CTSC: variants seen among roughly 807,000 people sequenced by gnomAD.
The protein encoded by CTSC is dipeptidyl peptidase 1.
In CTSC, 37 loss-of-function variants were observed where a neutral mutation model predicts 40.9. The ratio of observed to expected loss-of-function variants is 0.91; its 90% CI spans 0.70 to 1.19. The LOEUF is 1.19. CTSC is among the 50% of genes most tolerant of loss of function. The pLI is 0.00. For synonymous variants in CTSC, 232 were observed against 207.4 expected, an observed-to-expected ratio of 1.12 and a Z score of -1.02; for missense variants, 594 against 567.3, an observed-to-expected ratio of 1.05 and a Z score of -0.48.
intron 2 of CTSC, among the ~76,000 whole-genome samples, chr11:88,313,706 C>A (rs566573935): frequency 3.3e-5 from 5 of 152,152 alleles, no homozygotes; most frequent in Admixed American, 1.3e-4. Flanking sequence ...CAATTTCAGG[C>A]TCTGACTTAA....
At chr11:88,306,796 T>C (rs1211681978) in intron 4 of CTSC, among the ~76,000 whole-genome samples, 1 of 152,192 alleles carries the variant, frequency 6.6e-6, no homozygotes, top group Non-Finnish European at 1.5e-5. Context: ...CAATAAGGCA[T>C]GGGGTCTAAT....
Position 88,329,716 on chromosome 11 carries a change from TTG to T in CTSC, c.318+5219_318+5220del, listed in dbSNP as rs375785395. Among the ~76,000 whole-genome samples the T allele has an allele frequency of 6.6e-5, 10 of 151,738 alleles. No homozygotes were observed. In the East Asian group the frequency reaches 7.7e-4, roughly 12 times the overall value. ...CAGTATTCTGTTTCGTGTTGTTACA[TTG>T]TGTGTGTGTGTGTTTTGTTTTGTTT... On this transcript the variant is annotated intron_variant, in intron 2 of 6. Coordinates refer to ENST00000227266, the MANE Select transcript of CTSC (RefSeq NM_001814.6).
rs561035218 is a variant in CTSC at position 88,336,703 on chromosome 11, G to T, written c.172+798C>A. Among the ~76,000 whole-genome samples, 8 of 152,264 alleles carry T rather than the reference G, an allele frequency of 5.3e-5. No individual in the cohort carries two copies. The East Asian group carries it at 1.5e-3, about 29-fold the overall frequency. On this transcript the variant is annotated intron_variant, in intron 1 of 6. Transcript: ENST00000227266. ...TGCAGAAGTCACAGGCTGTAAGAGG[G>T]TTTGGGTAGACCACAGTGTGACTCT... is the stretch of plus-strand genomic sequence containing the variant.
intron 2 of CTSC, among the ~76,000 whole-genome samples, chr11:88,314,196 C>T (rs1937826974): frequency 6.6e-6 from 1 of 152,162 alleles, no homozygotes; most frequent in Admixed American, 6.5e-5. Context: ...GTCACAACTA[C>T]TCAACCTAAA....
Position 88,309,197 on chromosome 11 carries a change from T to C in CTSC, c.607A>G (p.Arg203Gly). 1 of 1,614,066 alleles carries C rather than the reference T, an allele frequency of 6.2e-7. No homozygotes were observed. Among genetic ancestry groups the C allele is most frequent in the Middle Eastern group, 1.6e-4 (1 of 6,062 alleles). The change falls in exon 4 of 7, where the codon AGG becomes GGG. Residue 203 changes from arginine to glycine, a missense_variant. Coordinates refer to ENST00000227266, the MANE Select transcript of CTSC (RefSeq NM_001814.6). Reference protein sequence around the residue: ...YETLTLGDMIRRSGGHSRKIP... With the variant: ...YETLTLGDMIGRSGGHSRKIP... ...TTTCGACTGTGGCCACCACTTCTCC[T>C]AATCATATCTCCCAGGGTAAGAGTC...
chr11:88,324,756 TAG>T (rs768413932), intron 2 of CTSC: 107 of 985,140 alleles, frequency 1.1e-4, no homozygotes, highest in Non-Finnish European at 1.3e-4. Flanking sequence ...CTCACGGTAA[TAG>T]AGAGAGCTGG....
chr11:88,325,384 C>T, intron 2 of CTSC: 1 of 985,376 alleles, frequency 1.0e-6, no homozygotes, highest in Non-Finnish European at 1.2e-6. Context: ...CTTAAAACTT[C>T]AACATGAGCC....
chr11:88,315,286 T>C (rs1354725362), intron 2 of CTSC, among the ~76,000 whole-genome samples: 1 of 152,106 alleles, frequency 6.6e-6, no homozygotes, highest in East Asian at 1.9e-4. Flanking sequence ...TTTATAGATA[T>C]TGACACACAT....
At chr11:88,322,354 T>C (rs549197237) in intron 2 of CTSC, 20 of 152,336 alleles carry the variant, frequency 1.3e-4, no homozygotes, top group African/African-American at 4.6e-4. Flanking sequence ...GCCTATATTC[T>C]ATTCCAGGGT....
At chr11:88,306,995 G>A (rs1212873576) in intron 4 of CTSC, among the ~76,000 whole-genome samples, 2 of 152,226 alleles carry the variant, frequency 1.3e-5, no homozygotes, top group Admixed American at 6.5e-5. Context: ...TTGGGTGGTA[G>A]GGCAAGGGCA....
intron 2 of CTSC, among the ~76,000 whole-genome samples, chr11:88,317,869 C>T (rs1409647276): frequency 1.3e-5 from 2 of 152,172 alleles, no homozygotes; most frequent in Non-Finnish European, 2.9e-5. Flanking sequence ...ATATGAAGAT[C>T]AAGCCCTAGT....
intron 1 of CTSC, among the ~76,000 whole-genome samples, chr11:88,336,222 C>G (rs1938488069): frequency 7.3e-6 from 1 of 137,066 alleles, no homozygotes; most frequent in Admixed American, 8.0e-5. Context: ...TCTGCCCCAA[C>G]CTTCAAACTC....
At chr11:88,330,345 GA>G (rs753529508) in intron 2 of CTSC, among the ~76,000 whole-genome samples, 1 of 151,984 alleles carries the variant, frequency 6.6e-6, no homozygotes, top group South Asian at 2.1e-4. Flanking sequence ...TGCTGAGTAA[GA>G]AAAAATCTTT....
At chr11:88,302,405 C>T (rs376093529) in intron 4 of CTSC, among the ~76,000 whole-genome samples, 1 of 152,002 alleles carries the variant, frequency 6.6e-6, no homozygotes, top group African/African-American at 2.4e-5. Context: ...GGGCGGATCA[C>T]GAGGTCAGGA....
chr11:88,304,450 A>G (rs1443496793), intron 4 of CTSC, among the ~76,000 whole-genome samples: 1 of 152,224 alleles, frequency 6.6e-6, no homozygotes, highest in Non-Finnish European at 1.5e-5. Flanking sequence ...CTACCATCCT[A>G]TAAGGCAGAG....
intron 4 of CTSC, among the ~76,000 whole-genome samples, chr11:88,304,245 G>A (rs1048582468): frequency 2.2e-4 from 33 of 151,986 alleles, no homozygotes; most frequent in African/African-American, 8.0e-4. Context: ...TACCTCAAAG[G>A]GTTGTTATGA....
At chr11:88,323,434 A>C (rs1426181261) in intron 2 of CTSC, 1 of 152,204 alleles carries the variant, frequency 6.6e-6, no homozygotes, top group Non-Finnish European at 1.5e-5. Flanking sequence ...ATCAGGCAAG[A>C]GAAAGAAATA....
Position 88,294,182 on chromosome 11 carries a change from CATG to C in CTSC, c.1213_1215del (p.His405del). Reference sequence around the variant, plus strand: ...GTGCCATAGCCCACAAGCAGAACAGCATGATTAGTCAGCTCAAAGGGGTTGAAA... The same window carrying C: ...GTGCCATAGCCCACAAGCAGAACAGCATTAGTCAGCTCAAAGGGGTTGAAA... On this transcript the variant is annotated inframe_deletion, in exon 7 of 7. Coordinates refer to ENST00000227266, the MANE Select transcript of CTSC (RefSeq NM_001814.6). 2 of 1,613,918 alleles carry C rather than the reference CATG, an allele frequency of 1.2e-6. No homozygotes were observed. Among genetic ancestry groups the C allele is most frequent in the Non-Finnish European group, 1.7e-6 (2 of 1,180,006 alleles).
chr11:88,324,115 T>C (rs1938111943), intron 2 of CTSC: 2 of 152,082 alleles, frequency 1.3e-5, no homozygotes, highest in Non-Finnish European at 2.9e-5. Context: ...TCTACAACCA[T>C]CTAATCTTTG....
Sources: gnomAD v4.1 joint callset for allele counts (sites outside exome capture counted in the v4.1 genomes callset) on GRCh38, gnomAD v4.1.1 for gene constraint, MANE v1.5 for transcripts, NCBI Gene and HGNC (gene_info 2026-07-23, HGNC 2026-07-21) for gene names.